Variants in ATXN7L1 observed in about 807,000 individuals in gnomAD.
The protein encoded by ATXN7L1 is ataxin-7-like protein 1.
In ATXN7L1, 15 loss-of-function variants were observed where a neutral mutation model predicts 70.8. The ratio of observed to expected loss-of-function variants is 0.21; its 90% CI spans 0.14 to 0.33. ATXN7L1 has a LOEUF of 0.33. Among genes scored for constraint, ATXN7L1 ranks in the 10% least tolerant of loss-of-function variants. The pLI is 1.00. For synonymous variants in ATXN7L1, 440 were observed against 445.1 expected, an observed-to-expected ratio of 0.99 and a Z score of 0.14; for missense variants, 975 against 1,097.1, an observed-to-expected ratio of 0.89 and a Z score of 1.57.
chr7:105,653,396 C>T (rs559347278), intron 4 of ATXN7L1, among the ~76,000 whole-genome samples: 5 of 152,200 alleles, frequency 3.3e-5, no homozygotes, highest in South Asian at 2.1e-4. Context: ...TACAGTGAGC[C>T]GAGATCGTGT....
At chr7:105,625,694 T>C (rs906781089) in intron 7 of ATXN7L1, among the ~76,000 whole-genome samples, 3 of 152,220 alleles carry the variant, frequency 2.0e-5, no homozygotes, top group Non-Finnish European at 4.4e-5. Flanking sequence ...ATCTTAATTA[T>C]GGTTAAGCTT....
In ATXN7L1 at chr7:105,735,865, A is replaced by G. The variant is rs369401956; in HGVS notation, c.355+52739T>C. On this transcript the variant is annotated intron_variant, in intron 3 of 11. Transcript: ENST00000419735. The stretch of plus-strand genomic sequence containing the variant: ...TTAATTAATCATATATTAATTAATC[A>G]AATCTATATTAATCAAGCCTAAGCC... 1.9e-3 allele frequency among the ~76,000 whole-genome samples: 289 copies of G among 152,314 alleles called. 1 individual carries two copies. The highest frequency in any genetic ancestry group is 6.8e-3 in the African/African-American group (282 of 41,558).
At chr7:105,626,207 A>T (rs1795671628) in intron 7 of ATXN7L1, among the ~76,000 whole-genome samples, 1 of 152,252 alleles carries the variant, frequency 6.6e-6, no homozygotes, top group Admixed American at 6.5e-5. Flanking sequence ...CAAGCCTTAA[A>T]AATGAATGAA....
intron 2 of ATXN7L1, among the ~76,000 whole-genome samples, chr7:105,802,312 ATC>A (rs1270318866): frequency 3.3e-5 from 5 of 152,064 alleles, no homozygotes; most frequent in African/African-American, 1.2e-4. Flanking sequence ...CCGACAATCA[ATC>A]TCTCATCTCT....
At chr7:105,700,499 ACT>A (rs1425442991) in intron 3 of ATXN7L1, among the ~76,000 whole-genome samples, 98 of 112,784 alleles carry the variant, frequency 8.7e-4, no homozygotes, top group Middle Eastern at 8.8e-3. Context: ...ACAGGGCAAG[ACT>A]CTGTCTCAAA....
At chr7:105,664,588 T>TATATATATATATATATA (rs1388359970) in intron 4 of ATXN7L1, among the ~76,000 whole-genome samples, 10 of 147,710 alleles carry the variant, frequency 6.8e-5, no homozygotes, top group South Asian at 4.3e-4. Context: ...TATATATATA[T>TATATATATATATATATA]TTGAGACAGA....
intron 2 of ATXN7L1, among the ~76,000 whole-genome samples, chr7:105,842,196 G>GTT (rs11345494): frequency 8.7e-5 from 13 of 148,648 alleles, no homozygotes; most frequent in South Asian, 2.1e-4. Flanking sequence ...AAGTAGAAGG[G>GTT]TTTTTTTTTT....
intron 3 of ATXN7L1, among the ~76,000 whole-genome samples, chr7:105,706,402 G>C (rs549997987): frequency 1.2e-3 from 176 of 152,042 alleles, no homozygotes; most frequent in South Asian, 6.2e-4. Context: ...CACCATGTTG[G>C]CCAGGCTGGT....
intron 3 of ATXN7L1, among the ~76,000 whole-genome samples, chr7:105,675,183 T>C (rs711437): frequency 0.23 from 35,014 of 151,884 alleles, 4,068 homozygotes; most frequent in East Asian, 0.31. Context: ...ACAAGCAACC[T>C]GAATAATCCA....
chr7:105,833,886 T>G (rs1347251728), intron 2 of ATXN7L1, among the ~76,000 whole-genome samples: 1 of 152,220 alleles, frequency 6.6e-6, no homozygotes, highest in African/African-American at 2.4e-5. Flanking sequence ...TAAGGAAGAT[T>G]TCACTGCAAA....
chr7:105,788,500 G>T, intron 3 of ATXN7L1, 104 bp downstream of exon 3: 1 of 944,760 alleles, frequency 1.1e-6, no homozygotes, highest in Non-Finnish European at 1.7e-6. Flanking sequence ...ACAGCCTCAG[G>T]CTGAGACAAG....
In ATXN7L1 at chr7:105,652,805, A is replaced by C. The variant is rs141892432; in HGVS notation, c.579-9684T>G. ...ACGCTGAAAGATGAGGAAATGGCAAAGCATCCCAGGCTACTTATCAGTGCT... is the reference window on the plus strand; with the variant it reads ...ACGCTGAAAGATGAGGAAATGGCAACGCATCCCAGGCTACTTATCAGTGCT... On this transcript the variant is annotated intron_variant, in intron 4 of 11. Transcript: ENST00000419735. 9.2e-5 allele frequency among the ~76,000 whole-genome samples: 14 copies of C among 152,346 alleles called. No homozygotes were observed. The East Asian group carries it at 2.3e-3, about 25-fold the overall frequency.
chr7:105,751,004 C>T (rs1403286459), intron 3 of ATXN7L1, among the ~76,000 whole-genome samples: 1 of 152,144 alleles, frequency 6.6e-6, no homozygotes, highest in Non-Finnish European at 1.5e-5. Flanking sequence ...TCCTTCAATG[C>T]TGTAATAATG....
intron 5 of ATXN7L1, 32 bp downstream of exon 5, chr7:105,642,806 A>T: frequency 6.5e-7 from 1 of 1,534,200 alleles, no homozygotes; most frequent in South Asian, 1.2e-5. Context: ...CAGTCTAATC[A>T]TGAGTCAGAC....
chr7:105,668,544 C>T (rs1283457778), intron 3 of ATXN7L1, among the ~76,000 whole-genome samples: 5 of 152,044 alleles, frequency 3.3e-5, no homozygotes, highest in Non-Finnish European at 4.4e-5. Context: ...ATCTCAGTCT[C>T]CCAAGTAGCT....
chr7:105,774,076 C>A (rs988734651), intron 3 of ATXN7L1, among the ~76,000 whole-genome samples: 1 of 152,108 alleles, frequency 6.6e-6, no homozygotes, highest in African/African-American at 2.4e-5. Flanking sequence ...CAGTACCCAC[C>A]TCAAAGAGCA....
At chr7:105,773,710 A>G (rs1382938932) in intron 3 of ATXN7L1, among the ~76,000 whole-genome samples, 1 of 152,100 alleles carries the variant, frequency 6.6e-6, no homozygotes, top group Non-Finnish European at 1.5e-5. Context: ...AGGATGTGCT[A>G]CCAGTCCAAT....
intron 3 of ATXN7L1, among the ~76,000 whole-genome samples, chr7:105,712,179 AG>A (rs1208346423): frequency 1.3e-5 from 2 of 152,232 alleles, no homozygotes; most frequent in Non-Finnish European, 2.9e-5. Flanking sequence ...AAGGCTGCAC[AG>A]GGCAGCTGGA....
intron 3 of ATXN7L1, among the ~76,000 whole-genome samples, chr7:105,732,358 A>T (rs1796671927): frequency 6.6e-6 from 1 of 152,214 alleles, no homozygotes; most frequent in Non-Finnish European, 1.5e-5. Context: ...GGTGGCAGTG[A>T]GCTGATATTG....
Sources: gnomAD v4.1 joint callset for allele counts (sites outside exome capture counted in the v4.1 genomes callset) on GRCh38, gnomAD v4.1.1 for gene constraint, MANE v1.5 for transcripts, NCBI Gene and HGNC (gene_info 2026-07-23, HGNC 2026-07-21) for gene names.